Variants in PRKAG2 observed in about 807,000 individuals in gnomAD.
PRKAG2 encodes the protein 5'-AMP-activated protein kinase subunit gamma-2.
A neutral mutation model predicts 69.6 loss-of-function variants in PRKAG2; 26 were observed. The ratio of observed to expected loss-of-function variants is 0.37; its 90% CI spans 0.27 to 0.52. The LOEUF is 0.52. Among genes scored for constraint, PRKAG2 ranks in the 20% least tolerant of loss-of-function variants. The pLI is 0.90. For synonymous variants in PRKAG2, 293 were observed against 285.0 expected (o/e 1.03, Z -0.28); for missense variants, 557 against 740.0 (o/e 0.75, Z 2.87).
At chr7:151,805,083 C>T (rs767680302) in intron 1 of PRKAG2, among the ~76,000 whole-genome samples, 4 of 152,134 alleles carry the variant, frequency 2.6e-5, no homozygotes, top group South Asian at 2.1e-4. Flanking sequence ...GTTGAGTGGG[C>T]GAATCTGTTC....
intron 5 of PRKAG2, among the ~76,000 whole-genome samples, chr7:151,601,776 C>A (rs1483429749): frequency 6.6e-6 from 1 of 152,214 alleles, no homozygotes; most frequent in Non-Finnish European, 1.5e-5. Context: ...CCCGCAGCAT[C>A]CACTGTGCGA....
chr7:151,873,467 C>G (rs1217410666), intron 1 of PRKAG2, among the ~76,000 whole-genome samples: 1 of 152,208 alleles, frequency 6.6e-6, no homozygotes, highest in African/African-American at 2.4e-5. Flanking sequence ...TAGCCTGGCA[C>G]AATGATCCAT....
chr7:151,696,140 C>A (rs534597731), intron 3 of PRKAG2, among the ~76,000 whole-genome samples: 4 of 152,318 alleles, frequency 2.6e-5, no homozygotes, highest in Admixed American at 2.6e-4. Context: ...GCTCAGCCGG[C>A]CTTTGTTCTA....
chr7:151,592,115 C>T (rs761039210), intron 6 of PRKAG2, among the ~76,000 whole-genome samples: 14 of 122,026 alleles, frequency 1.1e-4, no homozygotes, highest in East Asian at 4.9e-4. Context: ...GCTCTGACAC[C>T]GGTGCCTCCC....
chr7:151,734,247 CCTTTTT>C (rs1563551999), intron 3 of PRKAG2: 1 of 152,192 alleles, frequency 6.6e-6, no homozygotes, highest in East Asian at 1.9e-4. Flanking sequence ...TTTAGATTTA[CCTTTTT>C]CTTTTTCTGC....
chr7:151,752,733 G>A (rs766686761), intron 3 of PRKAG2, among the ~76,000 whole-genome samples: 2 of 152,108 alleles, frequency 1.3e-5, no homozygotes, highest in African/African-American at 4.8e-5. Context: ...TTAGAAAATC[G>A]CCTTTTGGTA....
At chr7:151,720,630 G>T in intron 3 of PRKAG2, among the ~76,000 whole-genome samples, 1 of 142,824 alleles carries the variant, frequency 7.0e-6, no homozygotes, top group Non-Finnish European at 1.5e-5. Context: ...AATGGCAGAG[G>T]GGGACAGAGG....
Position 151,595,503 on chromosome 7 carries a change from A to G in PRKAG2, c.755-49T>C, listed in dbSNP as rs1440379624. On this transcript the variant is annotated intron_variant, in intron 5 of 15. Transcript: ENST00000287878. The stretch of plus-strand genomic sequence containing the variant: ...TCAGTAATAATAAAGAATTCCCTCA[A>G]TCGGATGAAGAGCATATACGTAAAC... The G allele has an allele frequency of 3.1e-6, 4 of 1,282,158 alleles. No homozygotes were observed. In the Admixed American group the frequency reaches 6.8e-5, roughly 22 times the overall value. 79.4% of individuals were successfully genotyped at this position (1,282,158 alleles called of 1,614,324 possible).
chr7:151,802,929 G>A (rs1369421311), intron 1 of PRKAG2, among the ~76,000 whole-genome samples: 1 of 137,774 alleles, frequency 7.3e-6, no homozygotes, highest in African/African-American at 2.8e-5. Flanking sequence ...ACATATATAT[G>A]ATATATATAT....
At chr7:151,838,416 G>C (rs1314371614) in intron 1 of PRKAG2, among the ~76,000 whole-genome samples, 1 of 151,960 alleles carries the variant, frequency 6.6e-6, no homozygotes, top group Admixed American at 6.6e-5. Context: ...AGACCACCAA[G>C]ACAAGGGGCA....
rs1803869532 is a variant in PRKAG2, at chr7:151,556,813, C to T, written c.*388G>A. 9.7e-6 allele frequency: 2 copies of T among 205,928 alleles called. No homozygotes were observed. The highest frequency in any genetic ancestry group is 2.0e-5 in the Non-Finnish European group (2 of 101,032). The allele number at this position is 205,928 out of a possible 1,614,324, so 12.8% of individuals were successfully genotyped here. ...GTTTCACACGCGTGCGCCCCGGCTG[C>T]GGCGGTGACATATTGCTGTATTCGG... On this transcript the variant is annotated 3_prime_UTR_variant, in exon 16 of 16. Transcript: ENST00000287878.
chr7:151,697,153 A>G (rs746656726), intron 3 of PRKAG2, among the ~76,000 whole-genome samples: 4 of 152,178 alleles, frequency 2.6e-5, no homozygotes, highest in African/African-American at 4.8e-5. Flanking sequence ...CTTAGGACAC[A>G]TGATAACTGG....
intron 1 of PRKAG2, among the ~76,000 whole-genome samples, chr7:151,837,815 G>A (rs1469411507): frequency 6.6e-6 from 1 of 152,170 alleles, no homozygotes; most frequent in African/African-American, 2.4e-5. Flanking sequence ...CTGTCTTAGG[G>A]AGGAATTACT....
chr7:151,870,154 T>TAGATAGATAGATAGATAGATAGGC (rs1159760978), intron 1 of PRKAG2, among the ~76,000 whole-genome samples: 12 of 138,320 alleles, frequency 8.7e-5, no homozygotes, highest in East Asian at 2.2e-4. Context: ...GATAGATAGA[T>TAGATAGATAGATAGATAGATAGGC]AGGCAGGCAG....
intron 1 of PRKAG2, among the ~76,000 whole-genome samples, chr7:151,812,400 G>A (rs2078465601): frequency 6.6e-6 from 1 of 152,196 alleles, no homozygotes; most frequent in African/African-American, 2.4e-5. Flanking sequence ...TAGTTTGAAA[G>A]AGCGCTGTGA....
chr7:151,774,468 T>C (rs987455293), intron 3 of PRKAG2, among the ~76,000 whole-genome samples: 3 of 152,160 alleles, frequency 2.0e-5, no homozygotes, highest in African/African-American at 7.2e-5. Flanking sequence ...ATGACAGTGA[T>C]CATAATTTTC....
At chr7:151,757,977 C>A (rs555654685) in intron 3 of PRKAG2, among the ~76,000 whole-genome samples, 1 of 152,212 alleles carries the variant, frequency 6.6e-6, no homozygotes, top group Admixed American at 6.5e-5. Context: ...TGAAGCCCTG[C>A]GGCTCCGCTT....
chr7:151,557,059 A>T lies in PRKAG2; in HGVS notation c.*142T>A. 7.2e-7 allele frequency: 1 copy of T among 1,384,424 alleles called. No individual in the cohort carries two copies. The highest frequency in any genetic ancestry group is 1.0e-6 in the Non-Finnish European group (1 of 984,796). The allele number at this position is 1,384,424 out of a possible 1,614,324, so 85.8% of individuals were successfully genotyped here. A position where few individuals can be genotyped will look rare whatever the true frequency, so the allele number is the denominator to read the frequency against. ...CATAAAATCTTTCTTTTTTAAGCTT[A>T]ATTTCAACATCACTGGAAGAAATAC... On this transcript the variant is annotated 3_prime_UTR_variant, in exon 16 of 16. Coordinates refer to ENST00000287878, the MANE Select transcript of PRKAG2 (RefSeq NM_016203.4).
chr7:151,658,482 C>CAAAAA (rs11286706), intron 4 of PRKAG2, among the ~76,000 whole-genome samples: 2 of 105,520 alleles, frequency 1.9e-5, no homozygotes, highest in Non-Finnish European at 4.1e-5. Context: ...AAGATTGTCG[C>CAAAAA]AAAAAAAAAA....
Sources: gnomAD v4.1 joint callset for allele counts (sites outside exome capture counted in the v4.1 genomes callset) on GRCh38, gnomAD v4.1.1 for gene constraint, MANE v1.5 for transcripts, NCBI Gene and HGNC (gene_info 2026-07-23, HGNC 2026-07-21) for gene names.